The following GALNT17 variants were observed in gnomAD, a reference collection of about 807,000 sequenced individuals.
The protein encoded by GALNT17 is UDP-GalNAc:polypeptide N-acetylgalactosaminyltransferase-like 3.
In GALNT17, 29 loss-of-function variants were observed where a neutral mutation model predicts 63.7. The ratio of observed to expected loss-of-function variants is 0.46; its 90% CI spans 0.34 to 0.62. The LOEUF is 0.62. Ranked by LOEUF, GALNT17 falls within the 20% of genes least tolerant of loss-of-function variation. The pLI, the probability that GALNT17 is intolerant of heterozygous loss-of-function variation, is 0.01. For synonymous variants in GALNT17, 305 were observed against 318.3 expected (o/e 0.96, Z 0.45); for missense variants, 603 against 799.6 (o/e 0.75, Z 2.97).
intron 9 of GALNT17, among the ~76,000 whole-genome samples, chr7:71,700,305 C>CAA (rs60522666): frequency 1.1e-3 from 147 of 134,722 alleles, no homozygotes; most frequent in Non-Finnish European, 1.8e-3. Context: ...GAGACTTTCT[C>CAA]AAAAAAAAAA....
rs371536707 is a variant in GALNT17, at chr7:71,415,935, C to T, written c.636C>T (p.Pro212=). The T allele has an allele frequency of 2.4e-5, 39 of 1,613,258 alleles. No homozygotes were observed. Among genetic ancestry groups the T allele is most frequent in the African/African-American group, 1.1e-4 (8 of 74,886 alleles). The change falls in exon 4 of 11, where the codon CCC becomes CCT. Residue 212 remains proline (P), a synonymous_variant. Coordinates refer to ENST00000333538, the MANE Select transcript of GALNT17 (RefSeq NM_022479.3). Reference sequence around the variant, plus strand: ...AGGAGTATGTCCACAAACGCTACCCCGGGCTGGTGAAGGTGGTAAGAAATC... The same window carrying T: ...AGGAGTATGTCCACAAACGCTACCCTGGGCTGGTGAAGGTGGTAAGAAATC... The part of the protein sequence containing the change: ...PLEEYVHKRY[P]GLVKVVRNQK...
chr7:71,709,217 CCT>C (rs1791758373), intron 9 of GALNT17, among the ~76,000 whole-genome samples: 1 of 152,200 alleles, frequency 6.6e-6, no homozygotes, highest in Admixed American at 6.5e-5. Flanking sequence ...GCCTCATCAA[CCT>C]CTGTTATTTT....
At chr7:71,435,792 G>A (rs928624330) in intron 5 of GALNT17, among the ~76,000 whole-genome samples, 9 of 152,102 alleles carry the variant, frequency 5.9e-5, no homozygotes, top group African/African-American at 1.4e-4. Flanking sequence ...GGCCGAGACC[G>A]GTGGATCATG....
At position 71,141,475 on chromosome 7, in the gene GALNT17, A is replaced by G. The variant is rs542046105; in HGVS notation, c.238+8435A>G. Among the ~76,000 whole-genome samples, 117 of 152,270 alleles carry G rather than the reference A, an allele frequency of 7.7e-4. 4 individuals are homozygous for G. In the South Asian group the frequency reaches 0.023, roughly 30 times the overall value. Reference sequence around the variant, plus strand: ...GCAAGTCCCTTCACTTTTTAAGTGTAAAATGGGACTGTCATATGTCAGGAT... The same window carrying G: ...GCAAGTCCCTTCACTTTTTAAGTGTGAAATGGGACTGTCATATGTCAGGAT... On this transcript the variant is annotated intron_variant, in intron 1 of 10. Coordinates refer to ENST00000333538, the MANE Select transcript of GALNT17 (RefSeq NM_022479.3).
At chr7:71,462,548 A>G (rs1216915448) in intron 5 of GALNT17, among the ~76,000 whole-genome samples, 2 of 152,184 alleles carry the variant, frequency 1.3e-5, no homozygotes, top group African/African-American at 4.8e-5. Context: ...GCATGTGCCC[A>G]AGGTGGTCGG....
chr7:71,417,890 C>T (rs576267480), intron 4 of GALNT17, among the ~76,000 whole-genome samples: 17 of 152,196 alleles, frequency 1.1e-4, no homozygotes, highest in Non-Finnish European at 1.6e-4. Flanking sequence ...CCAGTTTTGT[C>T]TGCCATTTCT....
chr7:71,235,238 AACACTCCATCTCGG>A (rs950273653), intron 1 of GALNT17, among the ~76,000 whole-genome samples: 3 of 151,186 alleles, frequency 2.0e-5, no homozygotes, highest in Non-Finnish European at 4.4e-5. Context: ...GTGACAGAGC[AACACTCCATCTCGG>A]AAAAAAAAAA....
At chr7:71,208,688 G>A (rs1243091503) in intron 1 of GALNT17, among the ~76,000 whole-genome samples, 1 of 151,958 alleles carries the variant, frequency 6.6e-6, no homozygotes, top group Non-Finnish European at 1.5e-5. Context: ...CTGGACTCAG[G>A]CTGTCTTCCC....
chr7:71,441,198 T>A (rs1306485363), intron 5 of GALNT17, among the ~76,000 whole-genome samples: 1 of 152,112 alleles, frequency 6.6e-6, no homozygotes, highest in Non-Finnish European at 1.5e-5. Context: ...GATTTTTGTA[T>A]TTTTAGTAGA....
At chr7:71,636,934 A>G (rs1300197737) in intron 6 of GALNT17, among the ~76,000 whole-genome samples, 2 of 152,144 alleles carry the variant, frequency 1.3e-5, no homozygotes, top group African/African-American at 4.8e-5. Flanking sequence ...TAGCAAAAAT[A>G]GAGGAGTAGT....
chr7:71,429,685 G>A (rs1295842070), intron 5 of GALNT17, among the ~76,000 whole-genome samples: 3 of 152,066 alleles, frequency 2.0e-5, no homozygotes, highest in Admixed American at 1.3e-4. Flanking sequence ...TGGGACCACA[G>A]GCATGTGCCA....
At chr7:71,320,075 G>C (rs1210632287) in intron 1 of GALNT17, among the ~76,000 whole-genome samples, 2 of 152,146 alleles carry the variant, frequency 1.3e-5, no homozygotes, top group Non-Finnish European at 2.9e-5. Context: ...AGTACACTCA[G>C]CTCAGCAAAT....
intron 5 of GALNT17, among the ~76,000 whole-genome samples, chr7:71,521,132 CAT>C (rs1788523392): frequency 6.6e-6 from 1 of 152,178 alleles, no homozygotes; most frequent in Admixed American, 6.5e-5. Context: ...TGCACATGCA[CAT>C]ATGTTTGGTA....
chr7:71,476,681 G>A (rs906538261), intron 5 of GALNT17, among the ~76,000 whole-genome samples: 9 of 152,078 alleles, frequency 5.9e-5, no homozygotes, highest in Admixed American at 1.3e-4. Context: ...TCATCGCAGC[G>A]GGGAGTGCTA....
chr7:71,393,548 GC>G (rs567669646), intron 3 of GALNT17, among the ~76,000 whole-genome samples: 57 of 151,738 alleles, frequency 3.8e-4, no homozygotes, highest in African/African-American at 1.3e-3. Flanking sequence ...CATAATCAGT[GC>G]CCCCCTTTTT....
At chr7:71,228,647 G>C (rs531976566) in intron 1 of GALNT17, among the ~76,000 whole-genome samples, 1 of 152,176 alleles carries the variant, frequency 6.6e-6, no homozygotes, top group South Asian at 2.1e-4. Context: ...CTCTATAATA[G>C]GGCCAGCATC....
chr7:71,709,720 T>C (rs1791765941), intron 9 of GALNT17, among the ~76,000 whole-genome samples: 1 of 152,064 alleles, frequency 6.6e-6, no homozygotes, highest in Non-Finnish European at 1.5e-5. Context: ...TGCCTCAGCC[T>C]CCTGAATAGC....
At chr7:71,236,640 C>G (rs1309713019) in intron 1 of GALNT17, among the ~76,000 whole-genome samples, 1 of 152,184 alleles carries the variant, frequency 6.6e-6, no homozygotes, top group Non-Finnish European at 1.5e-5. Context: ...CCAAACACTC[C>G]TGGATCGCAG....
At chr7:71,157,456 G>A (rs190035879) in intron 1 of GALNT17, among the ~76,000 whole-genome samples, 24 of 151,862 alleles carry the variant, frequency 1.6e-4, no homozygotes, top group Middle Eastern at 3.4e-3. Context: ...TCGGGAGTTC[G>A]AGACCAGCCT....
Sources: allele counts gnomAD v4.1 joint callset (sites outside exome capture counted in the v4.1 genomes callset), GRCh38; gene constraint gnomAD v4.1.1; transcripts MANE v1.5; gene names NCBI Gene and HGNC (gene_info 2026-07-23, HGNC 2026-07-21).